The following GRIN2A variants were observed in gnomAD, a reference collection of about 807,000 sequenced individuals.
GRIN2A encodes glutamate receptor ionotropic, NMDA 2A.
GRIN2A carries 22 observed loss-of-function variants against 113.4 expected under a neutral mutation model. That is an observed-to-expected ratio of 0.19 (90% CI 0.14 to 0.28). The LOEUF (loss-of-function observed/expected upper bound fraction) is 0.28, where lower values mean the gene tolerates loss of function less well. Ranked by LOEUF, GRIN2A falls within the 10% of genes least tolerant of loss-of-function variation. GRIN2A has a pLI of 1.00. For synonymous variants in GRIN2A, 827 were observed against 738.4 expected (o/e 1.12, Z -1.94); for missense variants, 1,502 against 1,887.0 (o/e 0.80, Z 3.78).
chr16:9,777,143 C>G (rs1318267675), intron 11 of GRIN2A, among the ~76,000 whole-genome samples: 2 of 152,162 alleles, frequency 1.3e-5, no homozygotes, highest in Non-Finnish European at 2.9e-5. Flanking sequence ...TCCACCCTCC[C>G]AGATGCAGCA....
At chr16:10,088,145 C>T (rs980959050) in intron 2 of GRIN2A, among the ~76,000 whole-genome samples, 15 of 152,142 alleles carry the variant, frequency 9.9e-5, no homozygotes, top group African/African-American at 2.2e-4. Context: ...CCTTGAGAAA[C>T]GCACATTTGG....
At position 9,815,174 on chromosome 16, in the gene GRIN2A, C is replaced by A. The variant is rs1156758133; in HGVS notation, c.2168+7090G>T. ...TACACGGAGATGGGACTACACTGTT[C>A]TTTTGTTTTTACAGACATGTCACTG... On this transcript the variant is annotated intron_variant, in intron 10 of 12. Coordinates refer to ENST00000330684, the MANE Select transcript of GRIN2A (RefSeq NM_001134407.3). 2.6e-5 allele frequency among the ~76,000 whole-genome samples: 4 copies of A among 152,082 alleles called. No individual in the cohort carries two copies. In the East Asian group the frequency reaches 5.8e-4, roughly 22 times the overall value.
At chr16:10,174,591 A>G (rs893260404) in intron 2 of GRIN2A, among the ~76,000 whole-genome samples, 1 of 152,152 alleles carries the variant, frequency 6.6e-6, no homozygotes, top group Non-Finnish European at 1.5e-5. Context: ...TACATGCACA[A>G]AGTGAGAAGA....
intron 2 of GRIN2A, among the ~76,000 whole-genome samples, chr16:10,011,263 T>C (rs1489960112): frequency 1.3e-5 from 2 of 152,296 alleles, no homozygotes; most frequent in Middle Eastern, 3.4e-3. Flanking sequence ...TTAGAAAGAA[T>C]TCTAGATTTG....
At chr16:10,022,699 G>C (rs893796725) in intron 2 of GRIN2A, among the ~76,000 whole-genome samples, 2 of 152,156 alleles carry the variant, frequency 1.3e-5, no homozygotes, top group African/African-American at 4.8e-5. Flanking sequence ...AGTATTTAGT[G>C]ACTGAATGAG....
intron 2 of GRIN2A, among the ~76,000 whole-genome samples, chr16:10,021,040 A>C (rs758566062): frequency 6.6e-6 from 1 of 152,162 alleles, no homozygotes; most frequent in Non-Finnish European, 1.5e-5. Context: ...ATTAACATCT[A>C]ATCAGCCCTA....
At chr16:10,059,036 T>C (rs2047503814) in intron 2 of GRIN2A, among the ~76,000 whole-genome samples, 1 of 152,122 alleles carries the variant, frequency 6.6e-6, no homozygotes, top group Non-Finnish European at 1.5e-5. Flanking sequence ...TCATAATACA[T>C]GGAAGAGGGA....
At chr16:9,823,798 T>C (rs1428308678) in intron 9 of GRIN2A, among the ~76,000 whole-genome samples, 1 of 152,156 alleles carries the variant, frequency 6.6e-6, no homozygotes, top group East Asian at 1.9e-4. Context: ...CCCGGATGCG[T>C]CTGACCACAG....
chr16:10,047,971 G>T (rs944560532), intron 2 of GRIN2A, among the ~76,000 whole-genome samples: 3 of 152,136 alleles, frequency 2.0e-5, no homozygotes, highest in African/African-American at 7.2e-5. Flanking sequence ...TCCCCTGCCT[G>T]TGACCCCCCT....
chr16:10,023,689 G>A (rs1014630401), intron 2 of GRIN2A, among the ~76,000 whole-genome samples: 41 of 152,284 alleles, frequency 2.7e-4, no homozygotes, highest in African/African-American at 8.9e-4. Flanking sequence ...AGTGCGTGTC[G>A]CTATAAATGA....
chr16:9,817,393 T>C (rs561331385), intron 10 of GRIN2A, among the ~76,000 whole-genome samples: 1 of 152,298 alleles, frequency 6.6e-6, no homozygotes, highest in South Asian at 2.1e-4. Flanking sequence ...GGAATCTGCA[T>C]TTTGACAGGT....
chr16:10,123,761 T>A (rs138334529), intron 2 of GRIN2A, among the ~76,000 whole-genome samples: 1 of 152,292 alleles, frequency 6.6e-6, no homozygotes, highest in African/African-American at 2.4e-5. Context: ...AGGTACCTGG[T>A]GGCTGAGCTT....
intron 2 of GRIN2A, among the ~76,000 whole-genome samples, chr16:10,096,042 T>C (rs2048283357): frequency 1.3e-5 from 2 of 152,028 alleles, no homozygotes; most frequent in Admixed American, 1.3e-4. Flanking sequence ...ACCCCTGAAA[T>C]AAAAAGTTAA....
chr16:10,141,682 T>C (rs768372569), intron 2 of GRIN2A, among the ~76,000 whole-genome samples: 1 of 152,166 alleles, frequency 6.6e-6, no homozygotes, highest in Non-Finnish European at 1.5e-5. Context: ...TGCCAGACCT[T>C]TTCATATATT....
chr16:9,987,946 A>G (rs2046011087), intron 2 of GRIN2A, among the ~76,000 whole-genome samples: 1 of 152,190 alleles, frequency 6.6e-6, no homozygotes, highest in Non-Finnish European at 1.5e-5. Flanking sequence ...TAATACTTGG[A>G]CGTGTCTAGC....
At position 9,845,396 on chromosome 16, in the gene GRIN2A, C is replaced by T. The variant is rs149789752; in HGVS notation, c.1329-4292G>A. Among the ~76,000 whole-genome samples the T allele has an allele frequency of 4.6e-5, 7 of 152,114 alleles. No homozygotes were observed. The South Asian group carries it at 1.2e-3, about 27-fold the overall frequency. On this transcript the variant is annotated intron_variant, in intron 5 of 12. Coordinates refer to ENST00000330684, the MANE Select transcript of GRIN2A (RefSeq NM_001134407.3). ...CTCCTATTATTGATTCTGGAGCACA[C>T]GGGGCCTCAGTTGATTGCCCTATTG... is the stretch of plus-strand genomic sequence containing the variant.
chr16:9,955,300 C>T (rs1478487113), intron 2 of GRIN2A, among the ~76,000 whole-genome samples: 1 of 152,204 alleles, frequency 6.6e-6, no homozygotes, highest in African/African-American at 2.4e-5. Flanking sequence ...CACCTTGTGT[C>T]CACCACAGAG....
chr16:9,859,183 C>T (rs180689521), intron 4 of GRIN2A, among the ~76,000 whole-genome samples: 147 of 152,080 alleles, frequency 9.7e-4, no homozygotes, highest in African/African-American at 3.3e-3. Flanking sequence ...TCACACACAT[C>T]GTCACACTAA....
intron 11 of GRIN2A, among the ~76,000 whole-genome samples, chr16:9,783,324 C>A (rs1232539823): frequency 2.0e-5 from 3 of 152,200 alleles, no homozygotes; most frequent in African/African-American, 7.2e-5. Flanking sequence ...AGTTCCAGAT[C>A]CGATTTAATC....
Sources: allele counts gnomAD v4.1 joint callset (sites outside exome capture counted in the v4.1 genomes callset), GRCh38; gene constraint gnomAD v4.1.1; transcripts MANE v1.5; gene names NCBI Gene and HGNC (gene_info 2026-07-23, HGNC 2026-07-21).